SDK1: variants seen among roughly 807,000 people sequenced by gnomAD.
SDK1 encodes the protein sidekick cell adhesion molecule 1, also known as protein sidekick-1.
In SDK1, 157 loss-of-function variants were observed where a neutral mutation model predicts 245.5. That is an observed-to-expected ratio of 0.64 (90% CI 0.56 to 0.73). SDK1 has a LOEUF of 0.73. Among genes scored for constraint, SDK1 ranks in the 30% least tolerant of loss-of-function variants. The pLI, the probability that SDK1 is intolerant of heterozygous loss-of-function variation, is 0.00. For missense variants in SDK1, 3,583 were observed against 3,002.3 expected, an observed-to-expected ratio of 1.19 and a Z score of -4.52; for synonymous variants, 1,647 against 1,278.5, an observed-to-expected ratio of 1.29 and a Z score of -6.15.
intron 4 of SDK1, among the ~76,000 whole-genome samples, chr7:3,793,778 G>C (rs1778883489): frequency 6.6e-6 from 1 of 151,904 alleles, no homozygotes; most frequent in African/African-American, 2.4e-5. Flanking sequence ...GGTTATTCTG[G>C]CATCACAGAA....
intron 35 of SDK1, among the ~76,000 whole-genome samples, chr7:4,204,528 G>C (rs978488153): frequency 6.6e-6 from 1 of 152,172 alleles, no homozygotes; most frequent in African/African-American, 2.4e-5. Context: ...AGCAGAAAGT[G>C]GGGAGGGGGT....
At chr7:4,187,382 T>C (rs1782957144) in intron 35 of SDK1, among the ~76,000 whole-genome samples, 1 of 152,252 alleles carries the variant, frequency 6.6e-6, no homozygotes. Context: ...TGCCTTGGGA[T>C]AAAACGCTAG....
At chr7:3,325,966 CATAGGG>C (rs1433183100) in intron 1 of SDK1, among the ~76,000 whole-genome samples, 1 of 152,050 alleles carries the variant, frequency 6.6e-6, no homozygotes, top group East Asian at 1.9e-4. Flanking sequence ...GGTACACTCT[CATAGGG>C]ATAAAGAGCC....
In SDK1 at chr7:3,967,358, A is replaced by T; in HGVS notation, c.1470A>T (p.Thr490=). ...TCACCCAGCGGCCAGTGGACACCAC[A>T]GTTACTGACGGGATGACAGCCATTC... ...PVFTQRPVDT[T]VTDGMTAILR... The change falls in exon 10 of 45, where the codon ACA becomes ACT. Residue 490 remains threonine (T), a synonymous_variant. Coordinates refer to ENST00000404826, the MANE Select transcript of SDK1 (RefSeq NM_152744.4). 1 of 1,614,142 alleles carries T rather than the reference A, an allele frequency of 6.2e-7. No homozygotes were observed. Among genetic ancestry groups the T allele is most frequent in the Non-Finnish European group, 8.5e-7 (1 of 1,179,998 alleles).
intron 4 of SDK1, among the ~76,000 whole-genome samples, chr7:3,709,705 A>T (rs1719102588): frequency 1.3e-5 from 2 of 152,234 alleles, no homozygotes; most frequent in African/African-American, 2.4e-5. Flanking sequence ...TGAAAAAAAG[A>T]AGTTTTCCTA....
intron 4 of SDK1, among the ~76,000 whole-genome samples, chr7:3,666,684 A>C (rs1207765311): frequency 2.2e-5 from 3 of 134,578 alleles, no homozygotes; most frequent in Admixed American, 1.5e-4. Flanking sequence ...TTGTTTGAAT[A>C]AATTAATTGT....
intron 4 of SDK1, among the ~76,000 whole-genome samples, chr7:3,803,744 T>C (rs1779169249): frequency 6.9e-6 from 1 of 145,340 alleles, no homozygotes; most frequent in Non-Finnish European, 1.5e-5. Context: ...GGTATTTTCC[T>C]CTTTTTTTTT....
chr7:4,107,595 G>T (rs375890083), intron 22 of SDK1, among the ~76,000 whole-genome samples: 1 of 151,916 alleles, frequency 6.6e-6, no homozygotes, highest in Non-Finnish European at 1.5e-5. Context: ...CTAAGTCACC[G>T]AGGACTCTGA....
chr7:4,163,612 G>A (rs1317585261), intron 32 of SDK1, among the ~76,000 whole-genome samples: 1 of 152,230 alleles, frequency 6.6e-6, no homozygotes, highest in Non-Finnish European at 1.5e-5. Flanking sequence ...GGAGGATGAG[G>A]TCCAGGACCA....
chr7:3,349,034 C>T (rs1780584333), intron 1 of SDK1, among the ~76,000 whole-genome samples: 1 of 151,798 alleles, frequency 6.6e-6, no homozygotes. Flanking sequence ...CTGGTCTGCG[C>T]TTCTTTCTCC....
chr7:3,611,212 A>T (rs1781577469), intron 1 of SDK1, among the ~76,000 whole-genome samples: 1 of 152,174 alleles, frequency 6.6e-6, no homozygotes, highest in Admixed American at 6.6e-5. Context: ...TACCACTGGG[A>T]AGTATTTAGA....
At chr7:3,811,737 G>A (rs558286822) in intron 4 of SDK1, among the ~76,000 whole-genome samples, 6 of 152,286 alleles carry the variant, frequency 3.9e-5, no homozygotes, top group Non-Finnish European at 5.9e-5. Flanking sequence ...CCAGAGCTCC[G>A]GTGGAAGGCA....
intron 35 of SDK1, among the ~76,000 whole-genome samples, chr7:4,195,580 G>T (rs1379744072): frequency 6.6e-6 from 1 of 152,184 alleles, no homozygotes; most frequent in Admixed American, 6.5e-5. Context: ...GCACCCACAA[G>T]TTCCTTGACC....
intron 1 of SDK1, among the ~76,000 whole-genome samples, chr7:3,492,439 A>G (rs1200332504): frequency 6.6e-6 from 1 of 152,256 alleles, no homozygotes; most frequent in Non-Finnish European, 1.5e-5. Flanking sequence ...GCTTGCGGTG[A>G]GCCGAGATCA....
chr7:3,643,588 C>T (rs1367471855), intron 4 of SDK1: 1 of 150,428 alleles, frequency 6.6e-6, no homozygotes, highest in Admixed American at 6.6e-5. Context: ...CCTGGTGATT[C>T]TCCTCTCCCA....
At chr7:3,374,411 A>T (rs1287920990) in intron 1 of SDK1, among the ~76,000 whole-genome samples, 4 of 152,162 alleles carry the variant, frequency 2.6e-5, no homozygotes, top group African/African-American at 9.7e-5. Context: ...TAAATCGTGT[A>T]CTTGTCAAGT....
chr7:3,658,296 G>A (rs1350250892), intron 4 of SDK1, among the ~76,000 whole-genome samples: 2 of 152,142 alleles, frequency 1.3e-5, no homozygotes, highest in African/African-American at 2.4e-5. Flanking sequence ...AATTCCTACA[G>A]CATTTGCTTC....
chr7:3,580,723 T>C (rs1015751254), intron 1 of SDK1, among the ~76,000 whole-genome samples: 18 of 151,816 alleles, frequency 1.2e-4, no homozygotes, highest in Non-Finnish European at 2.2e-4. Context: ...AATCCCAGCA[T>C]TTTGGGAGAC....
chr7:3,861,121 C>T (rs1207720796), intron 5 of SDK1, among the ~76,000 whole-genome samples: 1 of 151,770 alleles, frequency 6.6e-6, no homozygotes, highest in African/African-American at 2.4e-5. Flanking sequence ...AATAGTTGCA[C>T]ATGATCACAG....
Sources: allele counts gnomAD v4.1 joint callset (sites outside exome capture counted in the v4.1 genomes callset), GRCh38; gene constraint gnomAD v4.1.1; transcripts MANE v1.5; gene names NCBI Gene and HGNC (gene_info 2026-07-23, HGNC 2026-07-21).